The following TASP1 variants were observed in gnomAD, a reference collection of about 807,000 sequenced individuals.
The protein encoded by TASP1 is taspase 1.
TASP1 carries 16 observed loss-of-function variants against 56.6 expected under a neutral mutation model. That is an observed-to-expected ratio of 0.28 (90% CI 0.19 to 0.43). The LOEUF (loss-of-function observed/expected upper bound fraction) is 0.43. TASP1 is among the 20% of genes least tolerant of loss of function. The pLI, the probability that TASP1 is intolerant of heterozygous loss-of-function variation, is 1.00. For synonymous variants in TASP1, 179 were observed against 184.2 expected (o/e 0.97, Z 0.23); for missense variants, 393 against 511.6 (o/e 0.77, Z 2.24).
chr20:13,480,420 T>C (rs180950793), intron 11 of TASP1, among the ~76,000 whole-genome samples: 26 of 152,312 alleles, frequency 1.7e-4, no homozygotes, highest in African/African-American at 6.3e-4. Flanking sequence ...AAGATGACTT[T>C]TGGAAGTCAC....
chr20:13,208,680 C>A, the TASP1 span, among the ~76,000 whole-genome samples: 3 of 152,154 alleles, frequency 2.0e-5, no homozygotes, highest in African/African-American at 7.2e-5. Context: ...TCTCTTGGAC[C>A]TTGTCATCAT....
At chr20:13,590,620 C>A (rs968342532) in intron 4 of TASP1, among the ~76,000 whole-genome samples, 1 of 152,154 alleles carries the variant, frequency 6.6e-6, no homozygotes, top group Non-Finnish European at 1.5e-5. Flanking sequence ...GTAATCCCAG[C>A]ACTTTGGGAG....
chr20:13,164,859 G>A, the TASP1 span: 392 of 1,612,404 alleles, frequency 2.4e-4, no homozygotes, highest in Non-Finnish European at 3.0e-4. Context: ...CTTTGAACTC[G>A]AAGATTAAGT....
chr20:13,439,550 A>G (rs1176237491), intron 11 of TASP1, among the ~76,000 whole-genome samples: 1 of 152,174 alleles, frequency 6.6e-6, no homozygotes, highest in Non-Finnish European at 1.5e-5. Flanking sequence ...AGATATACCT[A>G]GTGTTAAGTG....
intron 6 of TASP1, among the ~76,000 whole-genome samples, chr20:13,571,831 C>T (rs1051800726): frequency 6.6e-6 from 1 of 152,186 alleles, no homozygotes; most frequent in African/African-American, 2.4e-5. Flanking sequence ...GTGTACTCTA[C>T]TCATTGTCGT....
At chr20:13,203,575 T>C in the TASP1 span, among the ~76,000 whole-genome samples, 2 of 152,208 alleles carry the variant, frequency 1.3e-5, no homozygotes, top group Non-Finnish European at 2.9e-5. Context: ...AATAAATTAA[T>C]GGATAAATTA....
the TASP1 span, among the ~76,000 whole-genome samples, chr20:13,120,973 A>G: frequency 1.3e-5 from 2 of 152,226 alleles, no homozygotes; most frequent in Non-Finnish European, 2.9e-5. Flanking sequence ...ATTCCAGATC[A>G]CTACTTCTCT....
At chr20:13,486,297 T>C (rs1444389565) in intron 10 of TASP1, among the ~76,000 whole-genome samples, 1 of 152,194 alleles carries the variant, frequency 6.6e-6, no homozygotes, top group East Asian at 1.9e-4. Context: ...AGAGTATGTG[T>C]ATGTTCTCAC....
At chr20:13,184,466 A>C in the TASP1 span, among the ~76,000 whole-genome samples, 1 of 152,232 alleles carries the variant, frequency 6.6e-6, no homozygotes, top group Non-Finnish European at 1.5e-5. Context: ...GGTTGAATGA[A>C]TTAATACATT....
the TASP1 span, among the ~76,000 whole-genome samples, chr20:13,247,517 G>GGGGTGTGTGTGTGTGTGT: frequency 1.2e-4 from 17 of 139,912 alleles, no homozygotes; most frequent in African/African-American, 4.3e-4. Context: ...CAAAGTGAGG[G>GGGGTGTGTGTGTGTGTGT]GTGTGTGTGT....
chr20:13,376,256 G>T, the TASP1 span, among the ~76,000 whole-genome samples: 1 of 152,128 alleles, frequency 6.6e-6, no homozygotes, highest in Non-Finnish European at 1.5e-5. Flanking sequence ...TTTTTATAAG[G>T]TGTAAGGAAG....
the TASP1 span, among the ~76,000 whole-genome samples, chr20:13,346,610 A>C: frequency 6.6e-6 from 1 of 152,226 alleles, no homozygotes; most frequent in Non-Finnish European, 1.5e-5. Flanking sequence ...CCAGCGATGG[A>C]AGGGGAGAGT....
At chr20:13,556,122 C>T (rs1268593484) in intron 8 of TASP1, among the ~76,000 whole-genome samples, 3 of 152,154 alleles carry the variant, frequency 2.0e-5, no homozygotes, top group Non-Finnish European at 4.4e-5. Flanking sequence ...CCCATTTCCC[C>T]AGCTCTACTC....
At chr20:13,265,054 G>A in the TASP1 span, among the ~76,000 whole-genome samples, 1 of 152,188 alleles carries the variant, frequency 6.6e-6, no homozygotes, top group African/African-American at 2.4e-5. Flanking sequence ...TGGGCCCGAT[G>A]TGTATAATAT....
chr20:13,394,392 C>T (rs1225157830), intron 13 of TASP1, among the ~76,000 whole-genome samples: 7 of 150,404 alleles, frequency 4.7e-5, no homozygotes, highest in Admixed American at 6.6e-5. Context: ...GGGCGGATCA[C>T]GAGGTCAGGA....
the TASP1 span, among the ~76,000 whole-genome samples, chr20:13,339,840 T>C: frequency 1.3e-5 from 2 of 152,042 alleles, no homozygotes; most frequent in Non-Finnish European, 2.9e-5. Flanking sequence ...CAGCTCACGC[T>C]CAATATGAAA....
At chr20:13,380,531 T>C in the TASP1 span, among the ~76,000 whole-genome samples, 1 of 152,130 alleles carries the variant, frequency 6.6e-6, no homozygotes, top group Non-Finnish European at 1.5e-5. Flanking sequence ...TGGTGGTGTC[T>C]CCCAGTCAGG....
At chr20:13,628,576 G>C (rs1177970677) in intron 2 of TASP1, among the ~76,000 whole-genome samples, 1 of 152,034 alleles carries the variant, frequency 6.6e-6, no homozygotes, top group Non-Finnish European at 1.5e-5. Flanking sequence ...AAGGCTTCTC[G>C]GGTTGTCCAG....
the TASP1 span, among the ~76,000 whole-genome samples, chr20:13,326,927 G>C: frequency 1.3e-5 from 2 of 152,072 alleles, no homozygotes; most frequent in East Asian, 1.9e-4. Context: ...CTCTCTCACC[G>C]CTCCTATTTA....
Sources: gnomAD v4.1 joint callset for allele counts (sites outside exome capture counted in the v4.1 genomes callset) on GRCh38, gnomAD v4.1.1 for gene constraint, MANE v1.5 for transcripts, NCBI Gene and HGNC (gene_info 2026-07-23, HGNC 2026-07-21) for gene names.